Variants in MTCL3 observed in about 807,000 individuals in gnomAD.
MTCL3 encodes microtubule cross-linking factor 3.
chr6:127,474,990 G>C, the MTCL3 span, among the ~76,000 whole-genome samples: 1 of 152,108 alleles, frequency 6.6e-6, no homozygotes, highest in African/African-American at 2.4e-5. Context: ...AAATAATAAC[G>C]TGCCTCAAAA....
At chr6:127,505,791 A>C in the MTCL3 span, among the ~76,000 whole-genome samples, 2 of 152,190 alleles carry the variant, frequency 1.3e-5, no homozygotes, top group Admixed American at 6.5e-5. Context: ...GTTTAATGCA[A>C]CGCTTTGCCA....
chr6:127,511,044 C>G, the MTCL3 span, among the ~76,000 whole-genome samples: 2 of 152,118 alleles, frequency 1.3e-5, no homozygotes, highest in Admixed American at 6.5e-5. Flanking sequence ...TAGGGAAGAC[C>G]CTAATCTAAT....
chr6:127,515,976 C>T, the MTCL3 span: 3 of 1,591,586 alleles, frequency 1.9e-6, no homozygotes, highest in Non-Finnish European at 2.6e-6. The surrounding 1 kb of genome is among the most constrained non-coding windows in gnomAD (Gnocchi z 4.3). Context: ...AAGGGGAGGC[C>T]CCCTCCCCGC....
chr6:127,514,506 G>A, the MTCL3 span, among the ~76,000 whole-genome samples: 1 of 152,232 alleles, frequency 6.6e-6, no homozygotes. Flanking sequence ...AAAGGCTAGA[G>A]CCTGCGCTCT....
At chr6:127,487,317 G>A in the MTCL3 span, among the ~76,000 whole-genome samples, 1 of 152,136 alleles carries the variant, frequency 6.6e-6, no homozygotes, top group African/African-American at 2.4e-5. Flanking sequence ...AAGGTTTGGG[G>A]TACTAGGTTA....
the MTCL3 span, among the ~76,000 whole-genome samples, chr6:127,493,460 T>C: frequency 6.6e-6 from 1 of 152,178 alleles, no homozygotes; most frequent in African/African-American, 2.4e-5. Context: ...AATAATAAAT[T>C]TTAAAAGTCC....
chr6:127,497,313 C>A, the MTCL3 span, among the ~76,000 whole-genome samples: 3 of 152,094 alleles, frequency 2.0e-5, no homozygotes, highest in South Asian at 6.2e-4. Flanking sequence ...GTTAAATATT[C>A]AAACAAGTAG....
the MTCL3 span, chr6:127,475,962 G>A: frequency 6.2e-7 from 1 of 1,611,810 alleles, no homozygotes. This position sits in a 1 kb window ranked among gnomAD's most constrained non-coding sequence, Gnocchi z 7.3. Flanking sequence ...GCCGCGCGCT[G>A]TCGTGGCCGC....
At chr6:127,475,466 C>G in the MTCL3 span, 1 of 1,613,368 alleles carries the variant, frequency 6.2e-7, no homozygotes, top group Non-Finnish European at 8.5e-7. The surrounding 1 kb of genome is among the most constrained non-coding windows in gnomAD (Gnocchi z 7.3). Flanking sequence ...TCCATGAGTC[C>G]GAACAGGTCC....
At chr6:127,506,016 A>C in the MTCL3 span, among the ~76,000 whole-genome samples, 1 of 152,216 alleles carries the variant, frequency 6.6e-6, no homozygotes, top group Non-Finnish European at 1.5e-5. Flanking sequence ...GAGAGCACTC[A>C]GTTTAATTTC....
chr6:127,505,084 G>T, the MTCL3 span, among the ~76,000 whole-genome samples: 1 of 152,152 alleles, frequency 6.6e-6, no homozygotes, highest in African/African-American at 2.4e-5. Context: ...GCTTCCTAGA[G>T]TGTAGAGCCA....
At chr6:127,509,575 T>C in the MTCL3 span, among the ~76,000 whole-genome samples, 1 of 152,226 alleles carries the variant, frequency 6.6e-6, no homozygotes, top group Non-Finnish European at 1.5e-5. Context: ...CTTTACTCTA[T>C]AACTAGTGTC....
the MTCL3 span, chr6:127,514,695 C>A: frequency 4.3e-6 from 3 of 703,908 alleles, no homozygotes; most frequent in South Asian, 5.6e-5. Context: ...TTGTGGTTAG[C>A]GCTACGAAAC....
chr6:127,515,778 G>T, the MTCL3 span: 1 of 1,606,590 alleles, frequency 6.2e-7, no homozygotes, highest in Admixed American at 1.7e-5. This position sits in a 1 kb window ranked among gnomAD's most constrained non-coding sequence, Gnocchi z 4.3. Context: ...CGTTCTTAGC[G>T]TGCATCTGAG....
chr6:127,516,767 TATTGCTCC>T, the MTCL3 span: 1 of 1,317,610 alleles, frequency 7.6e-7, no homozygotes. Flanking sequence ...CAAAGGGTGA[TATTGCTCC>T]ATTTGGATGG....
At chr6:127,478,515 G>T in the MTCL3 span, among the ~76,000 whole-genome samples, 1 of 152,174 alleles carries the variant, frequency 6.6e-6, no homozygotes, top group Non-Finnish European at 1.5e-5. Context: ...TAAGAATGCT[G>T]TCTGTGAGGT....
the MTCL3 span, among the ~76,000 whole-genome samples, chr6:127,505,118 G>A: frequency 6.6e-6 from 1 of 151,978 alleles, no homozygotes; most frequent in Non-Finnish European, 1.5e-5. Context: ...AGGCATGCCT[G>A]GATTATTAGG....
chr6:127,516,359 C>T, the MTCL3 span: 1 of 1,599,264 alleles, frequency 6.3e-7, no homozygotes, highest in Non-Finnish European at 8.5e-7. Flanking sequence ...GTGCGGCTCC[C>T]GGTCTTGTTA....
the MTCL3 span, among the ~76,000 whole-genome samples, chr6:127,500,819 A>ATT: frequency 1.3e-5 from 2 of 149,418 alleles, no homozygotes; most frequent in African/African-American, 4.9e-5. Context: ...AACTGAAAGA[A>ATT]TTTTTTTTTT....
Sources: allele counts gnomAD v4.1 joint callset (sites outside exome capture counted in the v4.1 genomes callset), GRCh38; gene constraint gnomAD v4.1.1; non-coding constraint Gnocchi (gnomAD v3.1); transcripts MANE v1.5; gene names NCBI Gene and HGNC (gene_info 2026-07-23, HGNC 2026-07-21).